Variants in PDE3B observed in about 807,000 individuals in gnomAD.
PDE3B encodes the protein phosphodiesterase 3B.
In PDE3B, 66 loss-of-function variants were observed where a neutral mutation model predicts 116.8. The ratio of observed to expected loss-of-function variants is 0.56; its 90% CI spans 0.46 to 0.69. The LOEUF (loss-of-function observed/expected upper bound fraction) is 0.69. PDE3B is among the 30% of genes least tolerant of loss of function. The pLI is 0.00. For synonymous variants in PDE3B, 595 were observed against 533.6 expected (o/e 1.12, Z -1.59); for missense variants, 1,384 against 1,368.1 (o/e 1.01, Z -0.18).
At chr11:14,687,470 A>G (rs1357483501) in intron 1 of PDE3B, among the ~76,000 whole-genome samples, 1 of 152,220 alleles carries the variant, frequency 6.6e-6, no homozygotes, top group African/African-American at 2.4e-5. Context: ...CAAACTGCTA[A>G]TGCAACTGGG....
At chr11:14,675,452 A>G (rs1854505960) in intron 1 of PDE3B, among the ~76,000 whole-genome samples, 1 of 152,144 alleles carries the variant, frequency 6.6e-6, no homozygotes, top group Admixed American at 6.6e-5. Context: ...TTTGATGGTT[A>G]TATACACTTA....
chr11:14,644,402 G>A lies in PDE3B; in HGVS notation c.327G>A (p.Arg109=), dbSNP rs780179209. Residue 109 remains arginine (R), a synonymous_variant, in exon 1 of 16, where the codon CGG becomes CGA. Transcript: ENST00000282096. ...ESWAAGAAWL[R]TLLSVCSHSL... ...GGGCTGCCGGGGCCGCCTGGCTGCG[G>A]ACGCTGCTGAGCGTGTGTTCGCACA... The A allele has an allele frequency of 2.5e-6, 4 of 1,606,704 alleles. No individual in the cohort carries two copies. The highest frequency in any genetic ancestry group is 3.4e-6 in the Non-Finnish European group (4 of 1,177,358).
At chr11:14,722,625 A>C (rs779054852) in intron 1 of PDE3B, among the ~76,000 whole-genome samples, 9 of 152,188 alleles carry the variant, frequency 5.9e-5, no homozygotes, top group Non-Finnish European at 1.3e-4. Flanking sequence ...TGAAGAGCTA[A>C]AGCCTGCCAA....
At chr11:14,677,427 G>A (rs1159071722) in intron 1 of PDE3B, among the ~76,000 whole-genome samples, 1 of 152,154 alleles carries the variant, frequency 6.6e-6, no homozygotes, top group Non-Finnish European at 1.5e-5. Flanking sequence ...TTGCGTATAT[G>A]TAATGATATC....
intron 1 of PDE3B, among the ~76,000 whole-genome samples, chr11:14,676,086 T>A (rs1055891700): frequency 6.6e-6 from 1 of 152,180 alleles, no homozygotes; most frequent in African/African-American, 2.4e-5. Flanking sequence ...GTACCTGTGA[T>A]GTTGAATGCC....
chr11:14,879,772 G>A, the PDE3B span, among the ~76,000 whole-genome samples: 2 of 152,084 alleles, frequency 1.3e-5, no homozygotes, highest in East Asian at 3.9e-4. Flanking sequence ...GCTCTATTGT[G>A]AAAGACATAA....
chr11:14,668,568 A>C (rs539819534), intron 1 of PDE3B, among the ~76,000 whole-genome samples: 1 of 152,170 alleles, frequency 6.6e-6, no homozygotes, highest in Non-Finnish European at 1.5e-5. Flanking sequence ...AGCATGAAGC[A>C]AAGAGTCTAG....
chr11:14,832,343 T>C lies in PDE3B; in HGVS notation c.2095-379T>C, dbSNP rs184275615. The stretch of plus-strand genomic sequence containing the variant: ...TTGTGAAATATATAAGTTCATTTAA[T>C]TGAAGTTCTTAGGGATAAAAATGTG... On this transcript the variant is annotated intron_variant, in intron 9 of 15. Transcript: ENST00000282096. 4.6e-5 allele frequency among the ~76,000 whole-genome samples: 7 copies of C among 152,368 alleles called. No individual in the cohort carries two copies. The East Asian group carries it at 1.3e-3, about 29-fold the overall frequency.
intron 12 of PDE3B, among the ~76,000 whole-genome samples, chr11:14,845,836 A>G (rs1188558948): frequency 6.6e-6 from 1 of 152,224 alleles, no homozygotes; most frequent in Non-Finnish European, 1.5e-5. Context: ...ATATGGGACT[A>G]TGTGAAAAGA....
the PDE3B span, chr11:14,886,018 T>A: frequency 2.6e-6 from 3 of 1,172,364 alleles, no homozygotes; most frequent in African/African-American, 3.0e-5. Flanking sequence ...CCAGGATTTG[T>A]TACGTCCCTG....
intron 1 of PDE3B, among the ~76,000 whole-genome samples, chr11:14,716,120 G>A (rs1205345501): frequency 5.9e-5 from 9 of 152,172 alleles, no homozygotes; most frequent in African/African-American, 1.7e-4. Flanking sequence ...AGCGCAAGGG[G>A]TCAGGGAGTT....
intron 1 of PDE3B, among the ~76,000 whole-genome samples, chr11:14,764,235 G>A (rs1015509114): frequency 6.6e-6 from 1 of 152,104 alleles, no homozygotes; most frequent in African/African-American, 2.4e-5. Context: ...AGGTAAGGAA[G>A]CAGCAGAGAA....
chr11:14,860,057 C>T (rs1479203770), intron 13 of PDE3B, among the ~76,000 whole-genome samples: 5 of 151,940 alleles, frequency 3.3e-5, no homozygotes, highest in Non-Finnish European at 5.9e-5. Context: ...GGAAGGAGAC[C>T]CTTATATATG....
intron 9 of PDE3B, among the ~76,000 whole-genome samples, 178 bp from the exon 10 acceptor site, chr11:14,832,544 A>T (rs1182439622): frequency 2.0e-5 from 3 of 152,186 alleles, no homozygotes; most frequent in Admixed American, 6.5e-5. Context: ...CTTTAGGGTG[A>T]CATCTTCCAT....
chr11:14,673,618 C>T, intron 1 of PDE3B: 2 of 644,300 alleles, frequency 3.1e-6, no homozygotes, highest in Non-Finnish European at 6.0e-6. Flanking sequence ...GGAGGAGCCA[C>T]TTCATAATCT....
chr11:14,679,673 G>A (rs980662288), intron 1 of PDE3B, among the ~76,000 whole-genome samples: 3 of 151,758 alleles, frequency 2.0e-5, no homozygotes, highest in African/African-American at 4.8e-5. Context: ...TTTTCTGCTT[G>A]TGGTTCCTGA....
chr11:14,650,080 A>G (rs1235588261), intron 1 of PDE3B, among the ~76,000 whole-genome samples: 1 of 151,554 alleles, frequency 6.6e-6, no homozygotes, highest in East Asian at 1.9e-4. Flanking sequence ...ACAACCAACA[A>G]CTTTCCTTCT....
chr11:14,843,346 A>G (rs1349653026), intron 11 of PDE3B, among the ~76,000 whole-genome samples: 3 of 152,234 alleles, frequency 2.0e-5, no homozygotes, highest in South Asian at 4.1e-4. Flanking sequence ...TAGGGCTACA[A>G]ATGAAATGTA....
chr11:14,884,943 A>C, the PDE3B span, among the ~76,000 whole-genome samples: 1 of 152,062 alleles, frequency 6.6e-6, no homozygotes, highest in African/African-American at 2.4e-5. Context: ...ACTGCTTTCA[A>C]GTATCATTAT....
Sources: allele counts gnomAD v4.1 joint callset (sites outside exome capture counted in the v4.1 genomes callset), GRCh38; gene constraint gnomAD v4.1.1; transcripts MANE v1.5; gene names NCBI Gene and HGNC (gene_info 2026-07-23, HGNC 2026-07-21).